METTL4: variants seen among roughly 807,000 people sequenced by gnomAD.
The protein encoded by METTL4 is methyltransferase 4, N6-adenosine.
Under a neutral mutation model 54.0 loss-of-function variants are expected in METTL4, and 40 were observed. The ratio of observed to expected loss-of-function variants is 0.74; its 90% CI spans 0.58 to 0.96. The LOEUF is 0.96. Among genes scored for constraint, METTL4 ranks in the 50% least tolerant of loss-of-function variants. The pLI, the probability that METTL4 is intolerant of heterozygous loss-of-function variation, is 0.00. For missense variants in METTL4, 525 were observed against 549.0 expected (o/e 0.96, Z 0.44); for synonymous variants, 169 against 183.8 (o/e 0.92, Z 0.65).
intron 3 of METTL4, among the ~76,000 whole-genome samples, chr18:2,560,822 T>C (rs1046485754): frequency 6.6e-6 from 1 of 152,080 alleles, no homozygotes; most frequent in Non-Finnish European, 1.5e-5. Flanking sequence ...GAGTTTGCAG[T>C]GAGCGGAGAT....
At chr18:2,563,124 T>A (rs2072346942) in intron 3 of METTL4, among the ~76,000 whole-genome samples, 1 of 152,214 alleles carries the variant, frequency 6.6e-6, no homozygotes, top group Admixed American at 6.5e-5. Flanking sequence ...TATCGCTATG[T>A]TCTAGAAACA....
intron 7 of METTL4, 68 bp from the exon 8 acceptor site, chr18:2,544,354 G>A (rs1378189718): frequency 3.5e-6 from 4 of 1,147,018 alleles, no homozygotes; most frequent in Non-Finnish European, 4.9e-6. Context: ...AGCCACAGCT[G>A]CATTGATTTT....
Position 2,538,850 on chromosome 18 carries a change from G to T in METTL4, c.*150C>A, listed in dbSNP as rs114662396. The T allele has an allele frequency of 2.4e-3, 1,650 of 684,202 alleles. 16 individuals are homozygous for T. Among genetic ancestry groups the T allele is most frequent in the African/African-American group, 0.023 (1,283 of 55,848 alleles). The allele number at this position is 684,202 out of a possible 1,614,324, so 42.4% of individuals were successfully genotyped here. A position where few individuals can be genotyped will look rare whatever the true frequency, so the allele number is the denominator to read the frequency against. ...AAATTCATCTTAAAATTACATGAAG[G>T]CTAGTCACTTCTGGTCCCTTACTGA... On this transcript the variant is annotated 3_prime_UTR_variant, in exon 9 of 9. Coordinates refer to ENST00000574538, the MANE Select transcript of METTL4 (RefSeq NM_022840.5).
At chr18:2,562,652 A>G (rs4797073) in intron 3 of METTL4, among the ~76,000 whole-genome samples, 147,809 of 152,314 alleles carry the variant, frequency 0.97, 71,877 homozygotes, top group East Asian at 1. Flanking sequence ...ATTATGCTAA[A>G]TGAAATTAGC....
intron 6 of METTL4, 125 bp downstream of exon 6, chr18:2,547,230 A>C: frequency 1.5e-6 from 1 of 683,274 alleles, no homozygotes; most frequent in Non-Finnish European, 2.2e-6. Context: ...GCAGCAAAGC[A>C]AAAGTCTGAA....
chr18:2,563,418 C>T (rs1035688821), intron 3 of METTL4, among the ~76,000 whole-genome samples: 3 of 151,914 alleles, frequency 2.0e-5, no homozygotes, highest in African/African-American at 7.3e-5. Context: ...CATGGTGAAA[C>T]ACCATCTCTA....
rs1206674939 is a variant in METTL4, at chr18:2,552,765, C to G, written c.830-1G>C. 3.1e-6 allele frequency: 5 copies of G among 1,602,008 alleles called. No individual in the cohort carries two copies. The highest frequency in any genetic ancestry group is 4.3e-6 in the Non-Finnish European group (5 of 1,171,414). The stretch of plus-strand genomic sequence containing the variant: ...ACAATTACATCAAATGTTTTCCTAT[C>G]TGAAAACAAAGATACAATTTCAGAA... On this transcript the variant is annotated splice_acceptor_variant, in intron 4 of 8. Transcript: ENST00000574538. LOFTEE classifies it high-confidence loss of function.
intron 2 of METTL4, among the ~76,000 whole-genome samples, chr18:2,565,914 GCAA>G (rs2072404118): frequency 6.6e-6 from 1 of 152,036 alleles, no homozygotes; most frequent in Non-Finnish European, 1.5e-5. Context: ...AGGCGTGGTG[GCAA>G]GCGCCTGTAG....
intron 3 of METTL4, among the ~76,000 whole-genome samples, chr18:2,562,588 G>A (rs185551150): frequency 3.5e-4 from 54 of 152,204 alleles, no homozygotes; most frequent in East Asian, 9.6e-4. Context: ...AATATTATTC[G>A]CCCTTAAAAA....
intron 2 of METTL4, among the ~76,000 whole-genome samples, chr18:2,566,381 CAAGGGATAG>C (rs2072418590): frequency 6.6e-6 from 1 of 152,092 alleles, no homozygotes; most frequent in East Asian, 1.9e-4. Context: ...TACGTATCTC[CAAGGGATAG>C]CTCTCTAAAA....
intron 3 of METTL4, 48 bp downstream of exon 3, chr18:2,563,749 T>C: frequency 3.0e-6 from 4 of 1,339,876 alleles, no homozygotes; most frequent in Non-Finnish European, 4.2e-6. Context: ...TATTTTCTAC[T>C]ACTTCACATT....
At chr18:2,554,487 T>A (rs2072207226) in intron 4 of METTL4, 182 bp downstream of exon 4, 2 of 557,814 alleles carry the variant, frequency 3.6e-6, no homozygotes, top group African/African-American at 3.9e-5. Context: ...ACAATATTTA[T>A]TTTTTTAAAA....
At chr18:2,563,368 G>A (rs956171056) in intron 3 of METTL4, among the ~76,000 whole-genome samples, 5 of 152,020 alleles carry the variant, frequency 3.3e-5, no homozygotes, top group East Asian at 1.9e-4. Context: ...TGAGGCTGGC[G>A]GATGGCCAGA....
chr18:2,538,849 G>C lies in METTL4; in HGVS notation c.*151C>G. The C allele has an allele frequency of 1.5e-6, 1 of 683,408 alleles. No homozygotes were observed. The highest frequency in any genetic ancestry group is 2.4e-6 in the Non-Finnish European group (1 of 414,380). 42.3% of individuals were successfully genotyped at this position (683,408 alleles called of 1,614,324 possible). A position where few individuals can be genotyped will look rare whatever the true frequency, so the allele number is the denominator to read the frequency against. On this transcript the variant is annotated 3_prime_UTR_variant, in exon 9 of 9. Coordinates refer to ENST00000574538, the MANE Select transcript of METTL4 (RefSeq NM_022840.5). Reference sequence around the variant, plus strand: ...AAAATTCATCTTAAAATTACATGAAGGCTAGTCACTTCTGGTCCCTTACTG... The same window carrying C: ...AAAATTCATCTTAAAATTACATGAACGCTAGTCACTTCTGGTCCCTTACTG...
chr18:2,545,854 A>G (rs1369261200), intron 6 of METTL4, among the ~76,000 whole-genome samples: 2 of 152,134 alleles, frequency 1.3e-5, no homozygotes, highest in African/African-American at 4.8e-5. Flanking sequence ...TAAATGCTTC[A>G]TATAACATAA....
intron 2 of METTL4, among the ~76,000 whole-genome samples, chr18:2,564,878 G>C (rs1567981187): frequency 6.6e-6 from 1 of 152,102 alleles, no homozygotes; most frequent in Non-Finnish European, 1.5e-5. Context: ...ACAAAGGCTT[G>C]TTATTATCTG....
chr18:2,561,266 A>C (rs901153497), intron 3 of METTL4: 3 of 152,184 alleles, frequency 2.0e-5, no homozygotes. Context: ...GAAACATGAT[A>C]ATTGGAAAGG....
In METTL4 at chr18:2,567,186, AC is replaced by A. The variant is rs916791048; in HGVS notation, c.30del (p.Trp11GlyfsTer12). The stretch of plus-strand genomic sequence containing the variant: ...ATAAAAGAAAGATGATCCAGTAACC[AC>A]CCAGCTGACAACTGGTGTACCACAG... MSVVHQLSA[G>X]WLLDHLSFIN... On this transcript the variant is annotated frameshift_variant, in exon 2 of 9. Transcript: ENST00000574538. LOFTEE classifies it high-confidence loss of function. 3.1e-6 allele frequency: 5 copies of A among 1,611,794 alleles called. No individual in the cohort carries two copies. Among genetic ancestry groups the A allele is most frequent in the Admixed American group, 3.3e-5 (2 of 59,876 alleles).
chr18:2,539,023 T>TA lies in METTL4; in HGVS notation c.1395dup (p.Ile466TyrfsTer42). On this transcript the variant is annotated frameshift_variant, in exon 9 of 9. Coordinates refer to ENST00000574538, the MANE Select transcript of METTL4 (RefSeq NM_022840.5). LOFTEE classifies it high-confidence loss of function. Reference sequence around the variant, plus strand: ...AGTCAGCTTCCAGACTCCACAGCAATAAAATAATCCACATGCTGAAATTTG... The same window carrying TA: ...AGTCAGCTTCCAGACTCCACAGCAATAAAAATAATCCACATGCTGAAATTTG... 6.2e-7 allele frequency: 1 copy of TA among 1,613,878 alleles called. No homozygotes were observed. Among genetic ancestry groups the TA allele is most frequent in the Non-Finnish European group, 8.5e-7 (1 of 1,179,920 alleles).
Sources: gnomAD v4.1 joint callset for allele counts (sites outside exome capture counted in the v4.1 genomes callset) on GRCh38, gnomAD v4.1.1 for gene constraint, MANE v1.5 for transcripts, NCBI Gene and HGNC (gene_info 2026-07-23, HGNC 2026-07-21) for gene names.